Variants in GPC6 observed in about 807,000 individuals in gnomAD.
GPC6 encodes the protein glypican-6.
Under a neutral mutation model 55.2 loss-of-function variants are expected in GPC6, and 14 were observed. The observed-to-expected ratio is 0.25, with a 90% CI of 0.17 to 0.40. The LOEUF (loss-of-function observed/expected upper bound fraction) is 0.40. GPC6 is among the 10% of genes least tolerant of loss of function. The pLI, the probability that GPC6 is intolerant of heterozygous loss-of-function variation, is 1.00. For synonymous variants in GPC6, 278 were observed against 259.6 expected (o/e 1.07, Z -0.68); for missense variants, 641 against 708.5 (o/e 0.90, Z 1.08).
At chr13:93,587,032 T>C (rs1594289811) in intron 2 of GPC6, among the ~76,000 whole-genome samples, 1 of 152,334 alleles carries the variant, frequency 6.6e-6, no homozygotes, top group East Asian at 1.9e-4. Flanking sequence ...GTTTTTAGCC[T>C]GTATCCCTAG....
chr13:93,592,908 T>C (rs1321887783), intron 2 of GPC6, among the ~76,000 whole-genome samples: 1 of 83,276 alleles, frequency 1.2e-5, no homozygotes, highest in Admixed American at 1.3e-4. Context: ...TAAATTCTAA[T>C]ACAAAACAGA....
chr13:94,054,681 C>T (rs1349247385), intron 4 of GPC6, among the ~76,000 whole-genome samples: 4 of 152,130 alleles, frequency 2.6e-5, no homozygotes, highest in South Asian at 4.1e-4. Context: ...CAGAAGAGGT[C>T]GTCTAATCCA....
intron 2 of GPC6, among the ~76,000 whole-genome samples, chr13:93,736,389 A>G (rs1009590144): frequency 6.6e-5 from 10 of 152,242 alleles, no homozygotes; most frequent in Admixed American, 5.9e-4. Flanking sequence ...CCATATACAT[A>G]CATCTATTTT....
intron 1 of GPC6, among the ~76,000 whole-genome samples, chr13:93,262,162 C>A (rs1877173161): frequency 6.6e-6 from 1 of 151,984 alleles, no homozygotes; most frequent in Non-Finnish European, 1.5e-5. Flanking sequence ...ATTTTCTTGG[C>A]TTATACAACA....
intron 2 of GPC6, among the ~76,000 whole-genome samples, chr13:93,662,189 A>G (rs1880952917): frequency 6.6e-6 from 1 of 152,092 alleles, no homozygotes; most frequent in South Asian, 2.1e-4. Context: ...CTGCATCTTG[A>G]GTTTTCTGTT....
At chr13:93,582,347 T>C (rs1431015331) in intron 2 of GPC6, among the ~76,000 whole-genome samples, 1 of 152,210 alleles carries the variant, frequency 6.6e-6, no homozygotes, top group Admixed American at 6.5e-5. Flanking sequence ...TCTGGAACAG[T>C]GTTTCCCAAA....
intron 2 of GPC6, among the ~76,000 whole-genome samples, chr13:93,767,933 T>C (rs1435617228): frequency 6.6e-6 from 1 of 152,072 alleles, no homozygotes; most frequent in East Asian, 1.9e-4. Context: ...TTTTTCCCCC[T>C]CACTGATTTG....
At chr13:93,745,066 A>G (rs192386807) in intron 2 of GPC6, among the ~76,000 whole-genome samples, 180 of 152,232 alleles carry the variant, frequency 1.2e-3, no homozygotes, top group African/African-American at 4.3e-3. Flanking sequence ...CAGGTCAGTC[A>G]GTTCCCCAGG....
At chr13:93,517,071 G>T (rs999748427) in intron 1 of GPC6, among the ~76,000 whole-genome samples, 1 of 61,192 alleles carries the variant, frequency 1.6e-5, no homozygotes, top group African/African-American at 4.4e-5. Context: ...GTTATTTTTA[G>T]ATGCATTCAT....
chr13:93,634,027 T>C (rs1879592207), intron 2 of GPC6, among the ~76,000 whole-genome samples: 1 of 152,214 alleles, frequency 6.6e-6, no homozygotes, highest in South Asian at 2.1e-4. Context: ...AACTTTAACA[T>C]ACTACTGGGT....
Position 93,831,169 on chromosome 13 carries a change from C to CA in GPC6, c.711+625dup. ...CTTATCTTTGTAATTTCATACCATG[C>CA]ATTGCCTTGGGCTTATGAATAAGAT... On this transcript the variant is annotated intron_variant, in intron 3 of 8. Coordinates refer to ENST00000377047, the MANE Select transcript of GPC6 (RefSeq NM_005708.5). Among the ~76,000 whole-genome samples, 3 of 152,288 alleles carry CA rather than the reference C, an allele frequency of 2.0e-5. No individual in the cohort carries two copies. The East Asian group carries it at 5.8e-4, about 29-fold the overall frequency.
At chr13:93,662,129 G>A (rs948921109) in intron 2 of GPC6, among the ~76,000 whole-genome samples, 1 of 152,108 alleles carries the variant, frequency 6.6e-6, no homozygotes, top group African/African-American at 2.4e-5. Flanking sequence ...TTTGGCCCCA[G>A]GCTTGTGCTC....
intron 4 of GPC6, among the ~76,000 whole-genome samples, chr13:94,052,961 C>T (rs995005609): frequency 3.9e-5 from 6 of 152,102 alleles, no homozygotes; most frequent in African/African-American, 1.4e-4. Flanking sequence ...CTCAAGTGGC[C>T]TCTTACAAAT....
At chr13:93,603,817 C>A (rs549608404) in intron 2 of GPC6, among the ~76,000 whole-genome samples, 1 of 152,288 alleles carries the variant, frequency 6.6e-6, no homozygotes, top group South Asian at 2.1e-4. Flanking sequence ...GAAACAGATA[C>A]TTTTTTAAAT....
At chr13:93,668,232 A>G (rs1594356698) in intron 2 of GPC6, among the ~76,000 whole-genome samples, 1 of 152,080 alleles carries the variant, frequency 6.6e-6, no homozygotes, top group Non-Finnish European at 1.5e-5. Context: ...TATTCTTTTT[A>G]CCTTGACATC....
At chr13:93,502,857 C>T (rs984926343) in intron 1 of GPC6, among the ~76,000 whole-genome samples, 8 of 151,804 alleles carry the variant, frequency 5.3e-5, no homozygotes, top group Non-Finnish European at 1.0e-4. Context: ...GGAAGGGCTG[C>T]GTGTAGCACA....
chr13:93,706,140 A>G (rs1322721461), intron 2 of GPC6, among the ~76,000 whole-genome samples: 1 of 151,860 alleles, frequency 6.6e-6, no homozygotes, highest in Non-Finnish European at 1.5e-5. Flanking sequence ...TTAAGTTCCT[A>G]TTTCACCTTA....
intron 1 of GPC6, among the ~76,000 whole-genome samples, chr13:93,464,399 G>C (rs1414028246): frequency 1.3e-5 from 2 of 152,138 alleles, no homozygotes; most frequent in Non-Finnish European, 2.9e-5. Flanking sequence ...TTCAGACCCT[G>C]CTGCAGCTTT....
chr13:94,148,488 T>C (rs1345179872), intron 4 of GPC6, among the ~76,000 whole-genome samples: 2 of 152,176 alleles, frequency 1.3e-5, no homozygotes, highest in African/African-American at 4.8e-5. Flanking sequence ...TTGATTCAGC[T>C]AATAGATTCA....
Sources: gnomAD v4.1 joint callset for allele counts (sites outside exome capture counted in the v4.1 genomes callset) on GRCh38, gnomAD v4.1.1 for gene constraint, MANE v1.5 for transcripts, NCBI Gene and HGNC (gene_info 2026-07-23, HGNC 2026-07-21) for gene names.